The following SPIDR variants were observed in gnomAD, a reference collection of about 807,000 sequenced individuals.
The protein encoded by SPIDR is scaffold protein involved in DNA repair, also known as DNA repair-scaffolding protein.
In SPIDR, 93 loss-of-function variants were observed where a neutral mutation model predicts 104.6. The ratio of observed to expected loss-of-function variants is 0.89; its 90% CI spans 0.75 to 1.06. The LOEUF is 1.06. SPIDR is among the 50% of genes least tolerant of loss of function. The pLI is 0.00. For synonymous variants in SPIDR, 431 were observed against 416.9 expected (o/e 1.03, Z -0.41); for missense variants, 1,154 against 1,111.2 (o/e 1.04, Z -0.55).
intron 6 of SPIDR, among the ~76,000 whole-genome samples, chr8:47,400,900 G>C (rs1162553081): frequency 6.6e-6 from 1 of 152,028 alleles, no homozygotes; most frequent in African/African-American, 2.4e-5. Context: ...GAACCATGTT[G>C]GAAAACACTC....
intron 7 of SPIDR, among the ~76,000 whole-genome samples, chr8:47,426,393 A>G (rs2066420041): frequency 7.3e-6 from 1 of 136,632 alleles, no homozygotes; most frequent in Admixed American, 8.3e-5. Context: ...AATGGCTATA[A>G]TATTTTGGCT....
intron 5 of SPIDR, among the ~76,000 whole-genome samples, chr8:47,378,753 TAAGATGGC>T (rs1378912440): frequency 1.3e-5 from 2 of 152,358 alleles, no homozygotes; most frequent in Admixed American, 6.5e-5. Context: ...TATGTACACC[TAAGATGGC>T]AAGATGGCAA....
At chr8:47,621,114 G>A (rs1405803455) in intron 10 of SPIDR, among the ~76,000 whole-genome samples, 4 of 151,038 alleles carry the variant, frequency 2.6e-5, no homozygotes, top group Admixed American at 1.3e-4. Context: ...ACACCACCAT[G>A]CCCAGCTAAT....
chr8:47,614,264 G>A (rs935183017), intron 10 of SPIDR, among the ~76,000 whole-genome samples: 2 of 151,906 alleles, frequency 1.3e-5, no homozygotes, highest in African/African-American at 4.8e-5. Context: ...GTGTTGCCAG[G>A]CTGGAGTGCA....
intron 5 of SPIDR, among the ~76,000 whole-genome samples, chr8:47,310,099 C>A (rs1366310243): frequency 1.3e-5 from 2 of 150,140 alleles, no homozygotes; most frequent in African/African-American, 2.5e-5. Flanking sequence ...TTTGGGAGGC[C>A]GAGGCAGGCA....
At chr8:47,464,525 A>G (rs2074450371) in intron 8 of SPIDR, among the ~76,000 whole-genome samples, 1 of 152,156 alleles carries the variant, frequency 6.6e-6, no homozygotes, top group African/African-American at 2.4e-5. Context: ...ACACAGGGCT[A>G]CTGCATACTG....
intron 10 of SPIDR, among the ~76,000 whole-genome samples, chr8:47,634,478 A>G (rs928668447): frequency 6.6e-6 from 1 of 152,208 alleles, no homozygotes; most frequent in Admixed American, 6.5e-5. Flanking sequence ...AAAAAATGAA[A>G]AAAGAACTTT....
chr8:47,392,033 C>G (rs2060659045), intron 5 of SPIDR, among the ~76,000 whole-genome samples: 2 of 149,728 alleles, frequency 1.3e-5, no homozygotes, highest in African/African-American at 2.5e-5. Context: ...GAAAAGAAAC[C>G]AAGAAAAAAG....
chr8:47,589,863 A>G (rs189176366), intron 8 of SPIDR, among the ~76,000 whole-genome samples: 77 of 151,814 alleles, frequency 5.1e-4, no homozygotes, highest in Non-Finnish European at 1.0e-3. Context: ...AATTTTATTT[A>G]TTTCTGCTCT....
At chr8:47,266,575 T>G (rs1361104013) in intron 1 of SPIDR, among the ~76,000 whole-genome samples, 1 of 152,240 alleles carries the variant, frequency 6.6e-6, no homozygotes, top group Non-Finnish European at 1.5e-5. Context: ...TAAACATTTG[T>G]GTACAGGTTT....
intron 10 of SPIDR, among the ~76,000 whole-genome samples, chr8:47,612,248 AG>A (rs1226931596): frequency 7.2e-5 from 11 of 152,342 alleles, no homozygotes; most frequent in African/African-American, 2.6e-4. Context: ...CTTTGCACAC[AG>A]GTAAGTTAAA....
intron 7 of SPIDR, among the ~76,000 whole-genome samples, chr8:47,430,498 G>A (rs979564585): frequency 6.6e-5 from 7 of 105,968 alleles, no homozygotes; most frequent in Non-Finnish European, 1.3e-4. Flanking sequence ...GTGGGGACGC[G>A]CTGGACTCTG....
At chr8:47,545,993 G>A (rs183553010) in intron 8 of SPIDR, among the ~76,000 whole-genome samples, 3 of 152,182 alleles carry the variant, frequency 2.0e-5, no homozygotes, top group South Asian at 2.1e-4. Context: ...TTGTTATGAT[G>A]TATATATATT....
chr8:47,515,688 G>T (rs1218988165), intron 8 of SPIDR, among the ~76,000 whole-genome samples: 1 of 152,232 alleles, frequency 6.6e-6, no homozygotes, highest in Non-Finnish European at 1.5e-5. Context: ...TTTCTATGCA[G>T]ATCTCATAAG....
chr8:47,486,297 T>C (rs2077606267), intron 8 of SPIDR, among the ~76,000 whole-genome samples: 1 of 151,900 alleles, frequency 6.6e-6, no homozygotes, highest in African/African-American at 2.4e-5. Context: ...AAAAGAAGTT[T>C]AGAGAAAAAA....
intron 8 of SPIDR, among the ~76,000 whole-genome samples, chr8:47,466,982 GAAGAA>G (rs1261480856): frequency 6.8e-6 from 1 of 148,142 alleles, no homozygotes; most frequent in African/African-American, 2.5e-5. Context: ...AGACTAAACA[GAAGAA>G]AAGAGAAGAT....
At chr8:47,322,803 G>T (rs1412864479) in intron 5 of SPIDR, among the ~76,000 whole-genome samples, 4 of 152,046 alleles carry the variant, frequency 2.6e-5, no homozygotes, top group Admixed American at 1.3e-4. Flanking sequence ...ATGGATGAAG[G>T]TGGAAACCAT....
chr8:47,306,337 C>T (rs1340221711), intron 5 of SPIDR, among the ~76,000 whole-genome samples: 2 of 152,110 alleles, frequency 1.3e-5, no homozygotes, highest in Non-Finnish European at 2.9e-5. Flanking sequence ...GACAGGGCTT[C>T]ACTATGTTGG....
At chr8:47,470,729 A>G (rs1453972921) in intron 8 of SPIDR, among the ~76,000 whole-genome samples, 1 of 152,052 alleles carries the variant, frequency 6.6e-6, no homozygotes, top group Non-Finnish European at 1.5e-5. Context: ...AAATACATTA[A>G]AAGACTAAAA....
Sources: gnomAD v4.1 joint callset for allele counts (sites outside exome capture counted in the v4.1 genomes callset) on GRCh38, gnomAD v4.1.1 for gene constraint, MANE v1.5 for transcripts, NCBI Gene and HGNC (gene_info 2026-07-23, HGNC 2026-07-21) for gene names.